DRC11: variants seen among roughly 807,000 people sequenced by gnomAD.
DRC11 encodes IQ and AAA domain-containing protein 1.
chr2:236,450,512 G>C, the DRC11 span, among the ~76,000 whole-genome samples: 2 of 151,586 alleles, frequency 1.3e-5, no homozygotes, highest in African/African-American at 4.8e-5. Flanking sequence ...TAGAGACGGG[G>C]TTTTACCATG....
the DRC11 span, chr2:236,488,042 C>A: frequency 6.2e-7 from 1 of 1,604,714 alleles, no homozygotes; most frequent in Non-Finnish European, 8.5e-7. Context: ...CTGTCACTTT[C>A]TTGCCAAGCA....
the DRC11 span, among the ~76,000 whole-genome samples, chr2:236,404,263 A>G: frequency 6.6e-6 from 1 of 152,140 alleles, no homozygotes; most frequent in Non-Finnish European, 1.5e-5. Context: ...ATGCTCAATT[A>G]AGTGAGAATT....
the DRC11 span, among the ~76,000 whole-genome samples, chr2:236,448,982 C>T: frequency 9.9e-5 from 15 of 152,082 alleles, no homozygotes; most frequent in Non-Finnish European, 7.4e-5. The surrounding 1 kb of genome is among the most constrained non-coding windows in gnomAD (Gnocchi z 5.3). Flanking sequence ...ACCTCAGCCT[C>T]GCGAGTAGCT....
At chr2:236,341,029 G>A in the DRC11 span, among the ~76,000 whole-genome samples, 65 of 152,186 alleles carry the variant, frequency 4.3e-4, no homozygotes, top group Non-Finnish European at 7.1e-4. Context: ...CTCCAAAACC[G>A]CCGCCCCTAC....
the DRC11 span, among the ~76,000 whole-genome samples, chr2:236,322,664 T>C: frequency 2.0e-5 from 3 of 152,172 alleles, no homozygotes; most frequent in East Asian, 5.8e-4. Context: ...CACGTCTCCA[T>C]GTTAGTGTGC....
chr2:236,398,325 G>A, the DRC11 span, among the ~76,000 whole-genome samples: 2 of 152,092 alleles, frequency 1.3e-5, no homozygotes, highest in Admixed American at 6.6e-5. This position sits in a 1 kb window ranked among gnomAD's most constrained non-coding sequence, Gnocchi z 6.2. Flanking sequence ...AATTTTCAGT[G>A]GCACACAGAC....
the DRC11 span, among the ~76,000 whole-genome samples, chr2:236,506,932 A>C: frequency 6.6e-6 from 1 of 152,238 alleles, no homozygotes; most frequent in African/African-American, 2.4e-5. The surrounding 1 kb of genome is among the most constrained non-coding windows in gnomAD (Gnocchi z 4.9). Context: ...CAAAAAAAGC[A>C]GACAAAATGG....
At chr2:236,481,487 C>A in the DRC11 span, among the ~76,000 whole-genome samples, 2 of 152,038 alleles carry the variant, frequency 1.3e-5, no homozygotes, top group Admixed American at 1.3e-4. Context: ...GTCAAGTCAT[C>A]CTTAAATCTG....
At chr2:236,447,387 G>A in the DRC11 span, among the ~76,000 whole-genome samples, 1 of 151,676 alleles carries the variant, frequency 6.6e-6, no homozygotes. This position sits in a 1 kb window ranked among gnomAD's most constrained non-coding sequence, Gnocchi z 4.6. Flanking sequence ...GGGAGCTGGC[G>A]AGGAGAGAGA....
the DRC11 span, chr2:236,338,181 T>G: frequency 6.2e-7 from 1 of 1,606,880 alleles, no homozygotes; most frequent in East Asian, 2.2e-5. Context: ...CTATCATGCA[T>G]GGGAAGGGGC....
the DRC11 span, among the ~76,000 whole-genome samples, chr2:236,411,456 A>T: frequency 1.3e-5 from 2 of 151,960 alleles, no homozygotes; most frequent in African/African-American, 2.4e-5. Context: ...TGGGACTGTA[A>T]ACTAGTTCAA....
At chr2:236,357,779 ATG>A in the DRC11 span, among the ~76,000 whole-genome samples, 4 of 126,448 alleles carry the variant, frequency 3.2e-5, no homozygotes, top group Non-Finnish European at 6.2e-5. Flanking sequence ...ATGTAAATAT[ATG>A]TTATATATAC....
the DRC11 span, among the ~76,000 whole-genome samples, chr2:236,374,510 G>A: frequency 4.6e-5 from 7 of 152,142 alleles, no homozygotes; most frequent in South Asian, 8.3e-4. Flanking sequence ...TTGGCTCACG[G>A]TTCCGCAGGT....
the DRC11 span, among the ~76,000 whole-genome samples, chr2:236,435,437 G>A: frequency 1.3e-5 from 2 of 152,180 alleles, no homozygotes; most frequent in Non-Finnish European, 2.9e-5. Context: ...CTCTGATGCC[G>A]GTATTAGTCC....
chr2:236,391,884 G>T, the DRC11 span: 1 of 1,025,366 alleles, frequency 9.8e-7, no homozygotes, highest in Non-Finnish European at 1.5e-6. This position sits in a 1 kb window ranked among gnomAD's most constrained non-coding sequence, Gnocchi z 4.5. Context: ...GCAACAGGCG[G>T]CCCTCCTGGA....
At chr2:236,307,516 C>T in the DRC11 span, among the ~76,000 whole-genome samples, 1 of 152,176 alleles carries the variant, frequency 6.6e-6, no homozygotes, top group Non-Finnish European at 1.5e-5. The surrounding 1 kb of genome is among the most constrained non-coding windows in gnomAD (Gnocchi z 7.0). Context: ...AACTTCCTGG[C>T]CCCCTTGCAG....
At chr2:236,488,071 T>C in the DRC11 span, 1 of 1,608,610 alleles carries the variant, frequency 6.2e-7, no homozygotes, top group African/African-American at 1.3e-5. Context: ...TGCTTTGCTC[T>C]ATATTCTTGC....
At chr2:236,405,238 T>A in the DRC11 span, among the ~76,000 whole-genome samples, 1 of 152,076 alleles carries the variant, frequency 6.6e-6, no homozygotes, top group Non-Finnish European at 1.5e-5. The surrounding 1 kb of genome is among the most constrained non-coding windows in gnomAD (Gnocchi z 4.6). Context: ...TCTCCATTGC[T>A]TTCCACACTT....
At chr2:236,347,519 T>C in the DRC11 span, among the ~76,000 whole-genome samples, 1 of 143,968 alleles carries the variant, frequency 6.9e-6, no homozygotes, top group Middle Eastern at 3.3e-3. Flanking sequence ...TATATATATA[T>C]ATATATATGA....
Sources: gnomAD v4.1 joint callset for allele counts (sites outside exome capture counted in the v4.1 genomes callset) on GRCh38, gnomAD v4.1.1 for gene constraint, Gnocchi (gnomAD v3.1) non-coding constraint, MANE v1.5 for transcripts, NCBI Gene and HGNC (gene_info 2026-07-23, HGNC 2026-07-21) for gene names.